Variants in SLC25A12 observed in about 807,000 individuals in gnomAD.
SLC25A12 encodes the protein electrogenic aspartate/glutamate antiporter SLC25A12, mitochondrial.
A neutral mutation model predicts 83.3 loss-of-function variants in SLC25A12; 32 were observed. That is an observed-to-expected ratio of 0.38 (90% CI 0.29 to 0.52). SLC25A12 has a LOEUF of 0.52. SLC25A12 is among the 20% of genes least tolerant of loss of function. The probability of loss-of-function intolerance (pLI) is 0.84; values close to 1 mark genes in which losing one functional copy is unlikely to be tolerated. For synonymous variants in SLC25A12, 267 were observed against 291.1 expected (o/e 0.92, Z 0.84); for missense variants, 611 against 835.6 (o/e 0.73, Z 3.31).
intron 2 of SLC25A12, among the ~76,000 whole-genome samples, chr2:171,883,065 G>T (rs1055642794): frequency 1.3e-5 from 2 of 152,162 alleles, no homozygotes; most frequent in Admixed American, 6.6e-5. Flanking sequence ...TCTCAAGAAT[G>T]TAAGTAATTA....
chr2:171,844,821 G>A (rs1014058047), intron 4 of SLC25A12, among the ~76,000 whole-genome samples: 3 of 151,974 alleles, frequency 2.0e-5, no homozygotes, highest in African/African-American at 4.8e-5. Flanking sequence ...TTTACATCCC[G>A]TATAAAATCA....
intron 9 of SLC25A12, among the ~76,000 whole-genome samples, chr2:171,821,125 G>A (rs1224171976): frequency 7.2e-6 from 1 of 138,806 alleles, no homozygotes; most frequent in Non-Finnish European, 1.5e-5. Flanking sequence ...TACCTCCTGG[G>A]TTCAAGCAAT....
chr2:171,880,924 C>CT (rs1439675925), intron 2 of SLC25A12, among the ~76,000 whole-genome samples: 1 of 152,156 alleles, frequency 6.6e-6, no homozygotes, highest in East Asian at 1.9e-4. Context: ...CCTCCGTTTA[C>CT]TGTATATCCT....
intron 4 of SLC25A12, among the ~76,000 whole-genome samples, chr2:171,847,745 A>C (rs1684830360): frequency 6.6e-6 from 1 of 152,242 alleles, no homozygotes; most frequent in South Asian, 2.1e-4. Context: ...TTTCTGACAT[A>C]TAGAAAACAA....
intron 2 of SLC25A12, among the ~76,000 whole-genome samples, chr2:171,892,416 G>A (rs1159801826): frequency 6.6e-6 from 1 of 152,000 alleles, no homozygotes; most frequent in African/African-American, 2.4e-5. Context: ...TAGTAGAGAC[G>A]GGGTTTCACC....
intron 3 of SLC25A12, among the ~76,000 whole-genome samples, chr2:171,864,610 C>G (rs1685244584): frequency 6.6e-6 from 1 of 152,200 alleles, no homozygotes; most frequent in Non-Finnish European, 1.5e-5. Context: ...CATGCGCACG[C>G]ACACACACGC....
intron 2 of SLC25A12, among the ~76,000 whole-genome samples, chr2:171,891,325 C>G (rs974127215): frequency 4.6e-5 from 7 of 152,044 alleles, no homozygotes; most frequent in South Asian, 2.1e-4. Context: ...TGTCAAAGAG[C>G]TAGGGACAGT....
rs143409951 is a variant in SLC25A12, at chr2:171,789,151, G to C, written c.1586-1204C>G. ...GACTGGGCCAAGTGTGGTGGTTCAC[G>C]CTTGTAATCCCAGCACTTTGGAAGG... On this transcript the variant is annotated intron_variant, in intron 15 of 17. Coordinates refer to ENST00000422440, the MANE Select transcript of SLC25A12 (RefSeq NM_003705.5). Among the ~76,000 whole-genome samples the C allele has an allele frequency of 7.6e-4, 115 of 152,258 alleles. 2 individuals are homozygous for C. The East Asian group carries it at 0.019, about 25-fold the overall frequency.
chr2:171,866,917 G>A (rs188718229), intron 3 of SLC25A12, among the ~76,000 whole-genome samples: 31,014 of 149,190 alleles, frequency 0.21, 3,775 homozygotes, highest in East Asian at 0.55. Flanking sequence ...CTTCTCAGAC[G>A]GGGCAGTTGC....
chr2:171,823,237 G>C (rs1179605735), intron 9 of SLC25A12, among the ~76,000 whole-genome samples: 2 of 152,164 alleles, frequency 1.3e-5, no homozygotes, highest in East Asian at 3.8e-4. Flanking sequence ...AGTCCAGCCT[G>C]TATTCCTTAT....
chr2:171,815,072 A>G, intron 10 of SLC25A12, 49 bp downstream of exon 10: 1 of 1,444,136 alleles, frequency 6.9e-7, no homozygotes, highest in African/African-American at 1.4e-5. Context: ...CTGGTGAGAT[A>G]ATATTACATT....
At position 171,793,621 on chromosome 2, in the gene SLC25A12, A is replaced by AC; in HGVS notation, c.1446+5dup. 2 of 1,613,932 alleles carry AC rather than the reference A, an allele frequency of 1.2e-6. No individual in the cohort carries two copies. Among genetic ancestry groups the AC allele is most frequent in the South Asian group, 1.1e-5 (1 of 91,070 alleles). On this transcript the variant is annotated splice_donor_region_variant and intron_variant, in intron 14 of 17. Coordinates refer to ENST00000422440, the MANE Select transcript of SLC25A12 (RefSeq NM_003705.5). ...ATTGAGTACATTATAACCTAAACCTACCCACCTTATACAGACCAAAAATTC... is the reference window on the plus strand; with the variant it reads ...ATTGAGTACATTATAACCTAAACCTACCCCACCTTATACAGACCAAAAATTC...
chr2:171,868,795 C>T lies in SLC25A12; in HGVS notation c.95G>A (p.Arg32His), dbSNP rs199596322. Residue 32 changes from arginine to histidine, a missense_variant, in exon 3 of 18, where the codon CGT (arginine) becomes CAT (histidine). Physicochemically the swap from Arg to His is conservative, Grantham distance 29. Coordinates refer to ENST00000422440, the MANE Select transcript of SLC25A12 (RefSeq NM_003705.5). ...AACAAAGTCTTCTGGGGTCATATAA[C>T]GCTCTCCATCAACCTCAGTACTGGC... ...QYASTEVDGERYMTPEDFVQR... is the reference protein window; with the variant it reads ...QYASTEVDGEHYMTPEDFVQR... 34 of 1,612,240 alleles carry T rather than the reference C, an allele frequency of 2.1e-5. No homozygotes were observed. The highest frequency in any genetic ancestry group is 8.0e-5 in the African/African-American group (6 of 74,986).
At chr2:171,785,577 G>T in intron 17 of SLC25A12, 102 bp from the exon 18 acceptor site, 1 of 1,039,672 alleles carries the variant, frequency 9.6e-7, no homozygotes, top group Non-Finnish European at 1.5e-6. Flanking sequence ...AAAGAAGAAT[G>T]TTTCTCTCAA....
rs774226226 is a variant in SLC25A12, at chr2:171,785,577, G to C, written c.1836-102C>G. 7 of 1,039,554 alleles carry C rather than the reference G, an allele frequency of 6.7e-6. 1 individual carries two copies. The highest frequency in any genetic ancestry group is 1.1e-5 in the Non-Finnish European group (7 of 666,502). The allele number at this position is 1,039,554 out of a possible 1,614,324, so 64.4% of individuals were successfully genotyped here. The stretch of plus-strand genomic sequence containing the variant: ...TGACCCATGTGCCACAAAGAAGAAT[G>C]TTTCTCTCAACCATTTCCATGGCAT... On this transcript the variant is annotated intron_variant, in intron 17 of 17. Coordinates refer to ENST00000422440, the MANE Select transcript of SLC25A12 (RefSeq NM_003705.5).
intron 9 of SLC25A12, among the ~76,000 whole-genome samples, chr2:171,826,286 CA>C (rs1214220671): frequency 6.6e-6 from 1 of 152,138 alleles, no homozygotes; most frequent in Non-Finnish European, 1.5e-5. Flanking sequence ...AAAAACAAAA[CA>C]CAAATATAAA....
intron 13 of SLC25A12, among the ~76,000 whole-genome samples, chr2:171,799,588 G>T (rs951759874): frequency 6.6e-6 from 1 of 152,180 alleles, no homozygotes; most frequent in African/African-American, 2.4e-5. Flanking sequence ...TGTATGTGGT[G>T]TGTGTAGACA....
In SLC25A12 at chr2:171,793,873, A is replaced by G; in HGVS notation, c.1306-106T>C. ...CTCCACATCTTGCTATCTTGAAAAG[A>G]AGGAGGTGAAACTTCCTTCCTCAGG... is the stretch of plus-strand genomic sequence containing the variant. On this transcript the variant is annotated intron_variant, in intron 13 of 17. Transcript: ENST00000422440. The G allele has an allele frequency of 6.0e-6, 8 of 1,328,348 alleles. No homozygotes were observed. The East Asian group carries it at 1.6e-4, about 27-fold the overall frequency. The allele number at this position is 1,328,348 out of a possible 1,614,324, so 82.3% of individuals were successfully genotyped here. A position where few individuals can be genotyped will look rare whatever the true frequency, so the allele number is the denominator to read the frequency against.
chr2:171,809,839 C>T (rs530844094), intron 12 of SLC25A12, among the ~76,000 whole-genome samples, 153 bp from the exon 13 acceptor site: 5 of 152,172 alleles, frequency 3.3e-5, no homozygotes, highest in South Asian at 2.1e-4. Flanking sequence ...ACAAATTCTG[C>T]GACAGTGTGC....
Sources: allele counts gnomAD v4.1 joint callset (sites outside exome capture counted in the v4.1 genomes callset), GRCh38; gene constraint gnomAD v4.1.1; transcripts MANE v1.5; gene names NCBI Gene and HGNC (gene_info 2026-07-23, HGNC 2026-07-21).